SEC22A: variants seen among roughly 807,000 people sequenced by gnomAD.
SEC22A encodes the protein SEC22 homolog A, vesicle trafficking protein.
In SEC22A, 22 loss-of-function variants were observed where a neutral mutation model predicts 35.3. That is an observed-to-expected ratio of 0.62 (90% CI 0.45 to 0.89). SEC22A has a LOEUF of 0.89. Among genes scored for constraint, SEC22A ranks in the 40% least tolerant of loss-of-function variants. The probability of loss-of-function intolerance (pLI) is 0.00; values close to 1 mark genes in which losing one functional copy is unlikely to be tolerated. For missense variants in SEC22A, 354 were observed against 362.5 expected (o/e 0.98, Z 0.19); for synonymous variants, 119 against 129.5 (o/e 0.92, Z 0.55).
intron 5 of SEC22A, among the ~76,000 whole-genome samples, chr3:123,257,529 C>G (rs116007849): frequency 0.016 from 2,458 of 151,960 alleles, 52 homozygotes; most frequent in African/African-American, 0.056. Context: ...AAACTCCACT[C>G]TCTACTAAAA....
chr3:123,262,059 TAATG>T (rs1373167688), intron 6 of SEC22A, among the ~76,000 whole-genome samples: 2 of 152,218 alleles, frequency 1.3e-5, no homozygotes, highest in Non-Finnish European at 2.9e-5. Context: ...AGGGTGATAA[TAATG>T]CTGTTTTTTT....
intron 4 of SEC22A, among the ~76,000 whole-genome samples, chr3:123,226,485 G>C (rs1576489802): frequency 6.6e-6 from 1 of 152,076 alleles, no homozygotes; most frequent in Non-Finnish European, 1.5e-5. Context: ...TTTACCATTT[G>C]TATGTCTCTT....
intron 6 of SEC22A, among the ~76,000 whole-genome samples, chr3:123,265,947 C>T (rs1307064429): frequency 6.6e-6 from 1 of 152,082 alleles, no homozygotes; most frequent in East Asian, 1.9e-4. Context: ...ATTACTGTAG[C>T]CGTATAATAA....
intron 4 of SEC22A, among the ~76,000 whole-genome samples, chr3:123,237,144 A>G (rs1937437576): frequency 1.3e-5 from 2 of 152,248 alleles, no homozygotes; most frequent in African/African-American, 4.8e-5. Context: ...ATTTACAAAA[A>G]TAGATGGTGG....
intron 4 of SEC22A, among the ~76,000 whole-genome samples, chr3:123,239,807 T>C (rs915052270): frequency 2.0e-5 from 3 of 152,202 alleles, no homozygotes; most frequent in African/African-American, 7.2e-5. Flanking sequence ...TAGTGTCTTT[T>C]GCTGTGCAGA....
chr3:123,205,060 A>G (rs185763310), intron 1 of SEC22A, among the ~76,000 whole-genome samples: 35 of 151,658 alleles, frequency 2.3e-4, no homozygotes, highest in Admixed American at 1.8e-3. Context: ...AAAAAAAAAC[A>G]AACTATATTA....
At chr3:123,214,418 A>G (rs761993275) in intron 2 of SEC22A, among the ~76,000 whole-genome samples, 11 of 152,194 alleles carry the variant, frequency 7.2e-5, no homozygotes, top group Non-Finnish European at 1.3e-4. Context: ...TTTTAGGAAT[A>G]TGACAGCATT....
intron 4 of SEC22A, among the ~76,000 whole-genome samples, chr3:123,228,352 G>T (rs1332108195): frequency 1.3e-5 from 2 of 150,550 alleles, no homozygotes; most frequent in African/African-American, 4.9e-5. Context: ...ATCTCCTGGG[G>T]TTGGGAGTTC....
chr3:123,236,987 T>G (rs1225613668), intron 4 of SEC22A, among the ~76,000 whole-genome samples: 5 of 152,220 alleles, frequency 3.3e-5, no homozygotes, highest in African/African-American at 9.6e-5. Flanking sequence ...ATAGATATCC[T>G]TGTATTTTTG....
At chr3:123,210,336 C>A (rs1936921029) in intron 2 of SEC22A, among the ~76,000 whole-genome samples, 1 of 152,128 alleles carries the variant, frequency 6.6e-6, no homozygotes, top group African/African-American at 2.4e-5. Context: ...TTAATACCAG[C>A]AAATCTTCCT....
intron 2 of SEC22A, among the ~76,000 whole-genome samples, chr3:123,220,560 A>G (rs914299349): frequency 9.2e-5 from 14 of 152,162 alleles, no homozygotes; most frequent in African/African-American, 3.4e-4. Flanking sequence ...ATATACACAT[A>G]TAGGAAACTA....
At chr3:123,253,746 G>T (rs1937654847) in intron 5 of SEC22A, among the ~76,000 whole-genome samples, 1 of 149,710 alleles carries the variant, frequency 6.7e-6, no homozygotes, top group African/African-American at 2.4e-5. Context: ...AAGAAATTAT[G>T]TCCCTGCTAA....
intron 2 of SEC22A, among the ~76,000 whole-genome samples, chr3:123,223,087 G>C (rs549923416): frequency 6.6e-6 from 1 of 152,164 alleles, no homozygotes; most frequent in Non-Finnish European, 1.5e-5. Flanking sequence ...TGATTCTGGG[G>C]TGTGTCAATG....
chr3:123,249,957 T>C (rs1937597735), intron 5 of SEC22A, among the ~76,000 whole-genome samples: 1 of 152,184 alleles, frequency 6.6e-6, no homozygotes, highest in African/African-American at 2.4e-5. Flanking sequence ...GCATGTTTAT[T>C]TACAAGGGTT....
intron 4 of SEC22A, among the ~76,000 whole-genome samples, chr3:123,241,921 A>T (rs1048188167): frequency 2.6e-5 from 4 of 151,522 alleles, no homozygotes; most frequent in African/African-American, 7.3e-5. Flanking sequence ...TATTTGTGAG[A>T]TCTAAAAAGC....
At chr3:123,216,306 G>T (rs1937022078) in intron 2 of SEC22A, among the ~76,000 whole-genome samples, 1 of 152,154 alleles carries the variant, frequency 6.6e-6, no homozygotes, top group South Asian at 2.1e-4. Context: ...CTGTGTTAGG[G>T]AAGTGAGAAA....
At chr3:123,210,216 A>G (rs1936917814) in intron 2 of SEC22A, among the ~76,000 whole-genome samples, 1 of 152,200 alleles carries the variant, frequency 6.6e-6, no homozygotes, top group Non-Finnish European at 1.5e-5. Flanking sequence ...GAGGAAGTGG[A>G]AGCAGAGAGG....
intron 2 of SEC22A, among the ~76,000 whole-genome samples, chr3:123,222,906 G>T (rs1338996674): frequency 6.6e-6 from 1 of 152,128 alleles, no homozygotes; most frequent in African/African-American, 2.4e-5. Context: ...TTACTATGTT[G>T]GTTGCAAAAT....
intron 2 of SEC22A, among the ~76,000 whole-genome samples, chr3:123,211,153 A>G (rs1936934833): frequency 6.6e-6 from 1 of 152,212 alleles, no homozygotes; most frequent in Non-Finnish European, 1.5e-5. Context: ...GGAGAGAGAT[A>G]AGGCAGAGAG....
Sources: gnomAD v4.1 joint callset for allele counts (sites outside exome capture counted in the v4.1 genomes callset) on GRCh38, gnomAD v4.1.1 for gene constraint, MANE v1.5 for transcripts, NCBI Gene and HGNC (gene_info 2026-07-23, HGNC 2026-07-21) for gene names.